Variants in RUNX2 observed in about 807,000 individuals in gnomAD.
RUNX2 encodes runt-related transcription factor 2.
A neutral mutation model predicts 51.7 loss-of-function variants in RUNX2; 10 were observed. The ratio of observed to expected loss-of-function variants is 0.19; its 90% CI spans 0.12 to 0.33. The LOEUF is 0.33. Among genes scored for constraint, RUNX2 ranks in the 10% least tolerant of loss-of-function variants. The pLI, the probability that RUNX2 is intolerant of heterozygous loss-of-function variation, is 1.00. For synonymous variants in RUNX2, 276 were observed against 273.6 expected (o/e 1.01, Z -0.09); for missense variants, 562 against 691.3 (o/e 0.81, Z 2.10).
chr6:45,415,664 A>G (rs1029071800), intron 2 of RUNX2, among the ~76,000 whole-genome samples: 2 of 80,822 alleles, frequency 2.5e-5, no homozygotes, highest in African/African-American at 5.3e-5. Context: ...TGGGAAATCT[A>G]TATGTCCTGC....
chr6:45,398,205 G>A (rs886845698), intron 2 of RUNX2, among the ~76,000 whole-genome samples: 9 of 152,112 alleles, frequency 5.9e-5, no homozygotes, highest in Non-Finnish European at 8.8e-5. Flanking sequence ...ATTAGGCCCC[G>A]GGTTCCTCAC....
At chr6:45,388,149 A>G (rs916028716) in intron 2 of RUNX2, among the ~76,000 whole-genome samples, 2 of 152,184 alleles carry the variant, frequency 1.3e-5, no homozygotes, top group African/African-American at 4.8e-5. Context: ...ATAGAATTAG[A>G]CCCTAGAAAA....
chr6:45,357,070 G>T (rs527667674), intron 2 of RUNX2, among the ~76,000 whole-genome samples: 1 of 152,022 alleles, frequency 6.6e-6, no homozygotes, highest in East Asian at 1.9e-4. Flanking sequence ...GCAGTGGCAC[G>T]ATCTCGGCTC....
chr6:45,368,385 TA>T (rs937621641), intron 2 of RUNX2, among the ~76,000 whole-genome samples: 2 of 152,166 alleles, frequency 1.3e-5, no homozygotes, highest in African/African-American at 4.8e-5. Context: ...CCTTTCAATT[TA>T]AAATGAAGGA....
intron 5 of RUNX2, among the ~76,000 whole-genome samples, chr6:45,451,798 C>T (rs921343097): frequency 5.9e-5 from 9 of 152,096 alleles, no homozygotes; most frequent in Admixed American, 3.3e-4. Context: ...AAATACCTTC[C>T]ATTTTAGTGA....
intron 5 of RUNX2, among the ~76,000 whole-genome samples, chr6:45,457,275 T>C (rs946202271): frequency 2.0e-5 from 3 of 152,156 alleles, no homozygotes; most frequent in African/African-American, 7.2e-5. Flanking sequence ...GCTTGTTCAT[T>C]ACTAAGGATG....
intron 2 of RUNX2, among the ~76,000 whole-genome samples, chr6:45,349,049 G>T (rs895639632): frequency 6.6e-6 from 1 of 152,100 alleles, no homozygotes; most frequent in Admixed American, 6.5e-5. Flanking sequence ...CTTTCCACTG[G>T]TATCATTAAA....
chr6:45,390,628 G>A (rs959782469), intron 2 of RUNX2, among the ~76,000 whole-genome samples: 1 of 152,152 alleles, frequency 6.6e-6, no homozygotes, highest in African/African-American at 2.4e-5. Flanking sequence ...ATTTGAGAAG[G>A]TTAGCAGTTA....
chr6:45,429,821 C>T (rs2819857), intron 3 of RUNX2, among the ~76,000 whole-genome samples: 68,648 of 151,960 alleles, frequency 0.45, 15,709 homozygotes, highest in South Asian at 0.61. Context: ...TGGCTGGGCT[C>T]GGTGGCTCAC....
At chr6:45,466,393 C>A (rs182284208) in intron 5 of RUNX2, among the ~76,000 whole-genome samples, 1 of 152,186 alleles carries the variant, frequency 6.6e-6, no homozygotes, top group East Asian at 1.9e-4. Flanking sequence ...AGTGTGATTT[C>A]AATTTAAATG....
At position 45,358,466 on chromosome 6, in the gene RUNX2, A is replaced by G. The variant is rs200062788; in HGVS notation, c.58+29682A>G. ...AAATCCTTTCTTCTCTATAATTATG[A>G]AATTCTTCCCATTAAATTGCAAATA... On this transcript the variant is annotated intron_variant, in intron 2 of 8. Transcript: ENST00000647337. Among the ~76,000 whole-genome samples the G allele has an allele frequency of 7.2e-5, 11 of 152,296 alleles. No individual in the cohort carries two copies. The East Asian group carries it at 2.1e-3, about 29-fold the overall frequency.
At chr6:45,437,914 T>C in intron 4 of RUNX2, 33 bp from the exon 5 acceptor site, 1 of 1,446,148 alleles carries the variant, frequency 6.9e-7, no homozygotes, top group Non-Finnish European at 9.7e-7. Context: ...TTTTTTAATA[T>C]TCACTGTATA....
chr6:45,384,159 T>C (rs76835605), intron 2 of RUNX2, among the ~76,000 whole-genome samples: 3,061 of 152,322 alleles, frequency 0.02, 58 homozygotes, highest in South Asian at 0.085. Context: ...ATAGGAATAC[T>C]TAATGTAGGA....
At chr6:45,527,050 G>A (rs1433578488) in intron 7 of RUNX2, among the ~76,000 whole-genome samples, 1 of 152,172 alleles carries the variant, frequency 6.6e-6, no homozygotes, top group Non-Finnish European at 1.5e-5. Context: ...ATGTGATGAG[G>A]AGTCAATATT....
At chr6:45,537,549 G>A (rs189777498) in intron 7 of RUNX2, among the ~76,000 whole-genome samples, 2 of 152,288 alleles carry the variant, frequency 1.3e-5, no homozygotes, top group African/African-American at 2.4e-5. Context: ...TGCTTTGATC[G>A]AGTACTTCTG....
intron 5 of RUNX2, among the ~76,000 whole-genome samples, chr6:45,443,036 C>CTTTT (rs10564853): frequency 5.7e-5 from 3 of 52,202 alleles, no homozygotes; most frequent in African/African-American, 9.4e-5. Context: ...TCAGGCCTTG[C>CTTTT]TTTTTTTTTT....
chr6:45,332,862 A>T lies in RUNX2; in HGVS notation c.58+4078A>T, dbSNP rs147268817. Among the ~76,000 whole-genome samples, 503 of 151,822 alleles carry T rather than the reference A, an allele frequency of 3.3e-3. 11 individuals carry two copies. The highest frequency in any genetic ancestry group is 0.027 in the Admixed American group (416 of 15,186). On this transcript the variant is annotated intron_variant, in intron 2 of 8. Transcript: ENST00000647337. ...TACTAATCAGGTGCTAGCAGATCCAATGGTAATTTAAGCAGAGACTTCTCA... is the reference window on the plus strand; with the variant it reads ...TACTAATCAGGTGCTAGCAGATCCATTGGTAATTTAAGCAGAGACTTCTCA...
chr6:45,449,047 A>T (rs993184940), intron 5 of RUNX2, among the ~76,000 whole-genome samples: 1 of 152,216 alleles, frequency 6.6e-6, no homozygotes, highest in Non-Finnish European at 1.5e-5. Context: ...CATGAAGGCT[A>T]TTTCAGAGTA....
At chr6:45,339,947 T>C (rs1306044081) in intron 2 of RUNX2, among the ~76,000 whole-genome samples, 1 of 152,188 alleles carries the variant, frequency 6.6e-6, no homozygotes, top group Non-Finnish European at 1.5e-5. Flanking sequence ...ACAACTCCCT[T>C]ATATGAGACA....
Sources: allele counts gnomAD v4.1 joint callset (sites outside exome capture counted in the v4.1 genomes callset), GRCh38; gene constraint gnomAD v4.1.1; transcripts MANE v1.5; gene names NCBI Gene and HGNC (gene_info 2026-07-23, HGNC 2026-07-21).